ITIH5: variants seen among roughly 807,000 people sequenced by gnomAD.
ITIH5 encodes the protein inter-alpha-trypsin inhibitor heavy chain H5.
Under a neutral mutation model 77.5 loss-of-function variants are expected in ITIH5, and 65 were observed. The observed-to-expected ratio is 0.84, with a 90% CI of 0.69 to 1.03. The LOEUF is 1.03. Among genes scored for constraint, ITIH5 ranks in the 50% least tolerant of loss-of-function variants. ITIH5 has a pLI of 0.00. For synonymous variants in ITIH5, 525 were observed against 494.3 expected (o/e 1.06, Z -0.82); for missense variants, 1,208 against 1,213.1 (o/e 1.00, Z 0.06).
intron 7 of ITIH5, among the ~76,000 whole-genome samples, chr10:7,611,962 T>G (rs2131027079): frequency 6.6e-6 from 1 of 151,536 alleles, no homozygotes; most frequent in South Asian, 2.1e-4. Flanking sequence ...ATTGATTACC[T>G]TAAGCCTCTT....
intron 7 of ITIH5, among the ~76,000 whole-genome samples, chr10:7,609,034 G>C (rs916662720): frequency 6.6e-6 from 1 of 152,162 alleles, no homozygotes; most frequent in Non-Finnish European, 1.5e-5. Context: ...CATATGTGAC[G>C]TTACAGAGAA....
intron 7 of ITIH5, among the ~76,000 whole-genome samples, chr10:7,598,878 T>C (rs1832960754): frequency 6.6e-6 from 1 of 152,206 alleles, no homozygotes; most frequent in Admixed American, 6.5e-5. Context: ...ATTAAAACAT[T>C]TTTTGCAATA....
chr10:7,587,861 C>T (rs966679214), intron 7 of ITIH5, among the ~76,000 whole-genome samples: 4 of 152,142 alleles, frequency 2.6e-5, no homozygotes, highest in Non-Finnish European at 5.9e-5. Context: ...GACTCTTTGC[C>T]TTTCCTCCTT....
intron 7 of ITIH5, among the ~76,000 whole-genome samples, chr10:7,602,010 G>T (rs898933141): frequency 2.0e-5 from 3 of 151,978 alleles, no homozygotes; most frequent in South Asian, 4.2e-4. Flanking sequence ...GTGCCACCAC[G>T]CAGGGCTAAT....
Position 7,624,867 on chromosome 10 carries a change from A to G in ITIH5, c.653-7585T>C, listed in dbSNP as rs1005596335. Among the ~76,000 whole-genome samples, 11 of 72,426 alleles carry G rather than the reference A, an allele frequency of 1.5e-4. No homozygotes were observed. The South Asian group carries it at 3.1e-3, about 20-fold the overall frequency. The allele number at this position is 72,426 out of a possible 152,430, so 47.5% of individuals were successfully genotyped here. ...TACACATATATATGTGTATATATGTATATATGTATGTATATATATGTGTAT... is the reference window on the plus strand; with the variant it reads ...TACACATATATATGTGTATATATGTGTATATGTATGTATATATATGTGTAT... On this transcript the variant is annotated intron_variant, in intron 5 of 13. Transcript: ENST00000397146.
At chr10:7,592,197 A>G (rs1348449103) in intron 7 of ITIH5, among the ~76,000 whole-genome samples, 8 of 152,130 alleles carry the variant, frequency 5.3e-5, no homozygotes, top group Non-Finnish European at 7.3e-5. Flanking sequence ...TTGTATATTT[A>G]TTATTCTATA....
chr10:7,566,408 C>G lies in ITIH5; in HGVS notation c.2150-1G>C. On this transcript the variant is annotated splice_acceptor_variant, in intron 12 of 13. Transcript: ENST00000397146. LOFTEE classifies it high-confidence loss of function. ...ATTAACTCTCCGTTCACTGTGACACCTCAAAGGCCAAGGGGAAAAGAAGAA... is the reference window on the plus strand; with the variant it reads ...ATTAACTCTCCGTTCACTGTGACACGTCAAAGGCCAAGGGGAAAAGAAGAA... The G allele has an allele frequency of 6.3e-7, 1 of 1,591,082 alleles. No individual in the cohort carries two copies. The highest frequency in any genetic ancestry group is 8.6e-7 in the Non-Finnish European group (1 of 1,163,108).
At chr10:7,579,616 C>T (rs1832497811) in intron 9 of ITIH5, 139 bp downstream of exon 9, 2 of 810,368 alleles carry the variant, frequency 2.5e-6, no homozygotes, top group African/African-American at 1.7e-5. Flanking sequence ...ATGGTGACAC[C>T]TCCCATTGCA....
chr10:7,607,477 CT>C (rs1265020292), intron 7 of ITIH5, among the ~76,000 whole-genome samples: 1 of 152,296 alleles, frequency 6.6e-6, no homozygotes, highest in East Asian at 1.9e-4. Flanking sequence ...GAGACCCTGT[CT>C]CTACAGAAAG....
chr10:7,606,110 G>A (rs970603746), intron 7 of ITIH5, among the ~76,000 whole-genome samples: 53 of 152,018 alleles, frequency 3.5e-4, no homozygotes, highest in African/African-American at 1.1e-3. Flanking sequence ...TAACAGATGC[G>A]GGCAACGTTG....
At position 7,579,942 on chromosome 10, in the gene ITIH5, C is replaced by A; in HGVS notation, c.1231G>T (p.Val411Phe). ...IVFLTDGKPT[V>F]GETHTLKILN... ...ATCTTGAGGGTGTGCGTCTCCCCGA[C>A]CGTGGGCTTCCCATCCGTCAGGAAG... Residue 411 changes from valine (V) to phenylalanine (F), a missense_variant, in exon 9 of 14, where the codon GTC becomes TTC. By Grantham distance (50) the Val-to-Phe change is conservative. Transcript: ENST00000397146. 2 of 1,614,208 alleles carry A rather than the reference C, an allele frequency of 1.2e-6. No individual in the cohort carries two copies. Among genetic ancestry groups the A allele is most frequent in the South Asian group, 1.1e-5 (1 of 91,084 alleles).
chr10:7,601,553 C>T (rs374683449), intron 7 of ITIH5, among the ~76,000 whole-genome samples: 9 of 152,298 alleles, frequency 5.9e-5, no homozygotes, highest in South Asian at 2.1e-4. Flanking sequence ...TCAGCAGCAT[C>T]GACCTCCCTC....
intron 4 of ITIH5, among the ~76,000 whole-genome samples, chr10:7,638,077 A>T (rs1052693472): frequency 6.6e-6 from 1 of 152,198 alleles, no homozygotes; most frequent in African/African-American, 2.4e-5. Context: ...TAGGTAAGAC[A>T]TTTCAAGAAG....
intron 8 of ITIH5, among the ~76,000 whole-genome samples, chr10:7,581,139 A>G (rs1302505081): frequency 1.3e-5 from 2 of 152,166 alleles, no homozygotes; most frequent in African/African-American, 2.4e-5. Context: ...ACATGCCTGT[A>G]ATCCCAGCTA....
intron 5 of ITIH5, 47 bp from the exon 6 acceptor site, chr10:7,617,329 C>T: frequency 8.0e-7 from 1 of 1,254,602 alleles, no homozygotes; most frequent in Non-Finnish European, 1.1e-6. Flanking sequence ...ATATATTTTT[C>T]CAAAAAGAAA....
At chr10:7,624,807 A>G (rs369965939) in intron 5 of ITIH5, among the ~76,000 whole-genome samples, 77 of 29,204 alleles carry the variant, frequency 2.6e-3, no homozygotes, top group Admixed American at 5.9e-3. Flanking sequence ...AAATATATAT[A>G]TATATACACA....
intron 8 of ITIH5, among the ~76,000 whole-genome samples, chr10:7,582,237 AAAAT>A (rs1588372414): frequency 6.6e-6 from 1 of 152,292 alleles, no homozygotes. Flanking sequence ...GTTTGGGAGC[AAAAT>A]AAATAAATAA....
chr10:7,614,651 G>T (rs1406152997), intron 7 of ITIH5, among the ~76,000 whole-genome samples: 1 of 152,072 alleles, frequency 6.6e-6, no homozygotes, highest in Non-Finnish European at 1.5e-5. Flanking sequence ...ATATGTTTTT[G>T]CTCTATTGGA....
chr10:7,627,923 C>T (rs1445598433), intron 5 of ITIH5, among the ~76,000 whole-genome samples: 1 of 141,022 alleles, frequency 7.1e-6, no homozygotes, highest in Non-Finnish European at 1.5e-5. Context: ...CTCAATGCAA[C>T]CTCCGCCTCC....
Sources: allele counts gnomAD v4.1 joint callset (sites outside exome capture counted in the v4.1 genomes callset), GRCh38; gene constraint gnomAD v4.1.1; transcripts MANE v1.5; gene names NCBI Gene and HGNC (gene_info 2026-07-23, HGNC 2026-07-21).